LARP6: variants seen among roughly 807,000 people sequenced by gnomAD.
The protein encoded by LARP6 is La ribonucleoprotein 6, translational regulator, also known as la-related protein 6.
In LARP6, 18 loss-of-function variants were observed where a neutral mutation model predicts 32.8. The ratio of observed to expected loss-of-function variants is 0.55; its 90% CI spans 0.38 to 0.81. The LOEUF (loss-of-function observed/expected upper bound fraction) is 0.81, where lower values mean the gene tolerates loss of function less well. Among genes scored for constraint, LARP6 ranks in the 40% least tolerant of loss-of-function variants. The pLI, the probability that LARP6 is intolerant of heterozygous loss-of-function variation, is 0.00. For missense variants in LARP6, 598 were observed against 663.1 expected (o/e 0.90, Z 1.08); for synonymous variants, 289 against 267.2 (o/e 1.08, Z -0.80).
At chr15:70,851,518 G>A (rs1046933664) in intron 1 of LARP6, 2 of 1,470,294 alleles carry the variant, frequency 1.4e-6, no homozygotes, top group African/African-American at 2.8e-5. Context: ...AATACAAAAA[G>A]GAATAAGATA....
chr15:70,844,148 A>T (rs1476326223), intron 1 of LARP6, among the ~76,000 whole-genome samples: 1 of 147,078 alleles, frequency 6.8e-6, no homozygotes, highest in African/African-American at 2.5e-5. Flanking sequence ...GTAGAGACAG[A>T]GTTTCACCAT....
At chr15:70,839,614 GCT>G (rs369007225) in intron 1 of LARP6, among the ~76,000 whole-genome samples, 34 of 151,782 alleles carry the variant, frequency 2.2e-4, no homozygotes, top group Middle Eastern at 3.4e-3. Flanking sequence ...ACAGAGTCTC[GCT>G]CTGTCGCCCA....
intron 1 of LARP6, among the ~76,000 whole-genome samples, chr15:70,837,919 T>C (rs1041427632): frequency 6.6e-6 from 1 of 152,258 alleles, no homozygotes; most frequent in Non-Finnish European, 1.5e-5. Flanking sequence ...TTTTGGAATA[T>C]GTGCATATAC....
At chr15:70,843,229 G>T (rs2032287642) in intron 1 of LARP6, among the ~76,000 whole-genome samples, 1 of 151,998 alleles carries the variant, frequency 6.6e-6, no homozygotes, top group Admixed American at 6.6e-5. Context: ...ATTTTGCAGG[G>T]TCTCCCATCT....
intron 1 of LARP6, among the ~76,000 whole-genome samples, chr15:70,846,664 A>C (rs948451568): frequency 5.1e-4 from 77 of 152,232 alleles, no homozygotes; most frequent in African/African-American, 1.8e-3. Flanking sequence ...TAAAAAAAAA[A>C]CCAACAAAGT....
At chr15:70,836,013 C>T (rs1567020608) in intron 2 of LARP6, among the ~76,000 whole-genome samples, 1 of 152,164 alleles carries the variant, frequency 6.6e-6, no homozygotes, top group East Asian at 1.9e-4. Context: ...CACCCACTTG[C>T]CTGGCAAAAG....
rs557495787 is a variant in LARP6 at position 70,838,702 on chromosome 15, C to A, written c.201-2197G>T. On this transcript the variant is annotated intron_variant, in intron 1 of 2. Coordinates refer to ENST00000299213, the MANE Select transcript of LARP6 (RefSeq NM_018357.4). ...ATTATAACAATTTCAAACCAATAAA[C>A]ATTTAGAGAATACTGATTATCCGCA... 3.3e-5 allele frequency among the ~76,000 whole-genome samples: 5 copies of A among 152,138 alleles called. No individual in the cohort carries two copies. In the East Asian group the frequency reaches 9.7e-4, roughly 29 times the overall value.
At chr15:70,837,350 C>A (rs1183951820) in intron 1 of LARP6, among the ~76,000 whole-genome samples, 1 of 151,782 alleles carries the variant, frequency 6.6e-6, no homozygotes, top group East Asian at 1.9e-4. Context: ...ACCACTGTAC[C>A]CCAGACTGGG....
chr15:70,833,655 T>C (rs2032096219), intron 2 of LARP6, among the ~76,000 whole-genome samples: 1 of 152,276 alleles, frequency 6.6e-6, no homozygotes, highest in East Asian at 1.9e-4. Context: ...CAGTGAGTAC[T>C]AAGTAATCAT....
intron 1 of LARP6, among the ~76,000 whole-genome samples, chr15:70,850,454 T>C (rs2032428514): frequency 6.6e-6 from 1 of 152,174 alleles, no homozygotes. Flanking sequence ...AGCAAAATAT[T>C]AGCAAACTGA....
intron 2 of LARP6, among the ~76,000 whole-genome samples, chr15:70,835,166 C>T (rs1312205563): frequency 2.0e-5 from 3 of 152,204 alleles, no homozygotes; most frequent in Non-Finnish European, 4.4e-5. Flanking sequence ...TTCCATTCCC[C>T]TGTACCTAGA....
intron 1 of LARP6, among the ~76,000 whole-genome samples, chr15:70,839,662 A>G (rs948519521): frequency 2.6e-5 from 4 of 151,982 alleles, no homozygotes; most frequent in Non-Finnish European, 5.9e-5. Flanking sequence ...AGCTCACTGC[A>G]AGCTCTGCCT....
rs985641285 is a variant in LARP6, at chr15:70,847,696, A to G, written c.200+6193T>C. On this transcript the variant is annotated intron_variant, in intron 1 of 2. Transcript: ENST00000299213. ...AGAGAAACAAAAGGATTTGTAGCAT[A>G]AAACATCCAAGGCTACTTTTTTCAT... is the stretch of plus-strand genomic sequence containing the variant. Among the ~76,000 whole-genome samples, 5 of 152,214 alleles carry G rather than the reference A, an allele frequency of 3.3e-5. No individual in the cohort carries two copies. The East Asian group carries it at 9.6e-4, about 29-fold the overall frequency.
chr15:70,839,427 G>A (rs1393998355), intron 1 of LARP6, among the ~76,000 whole-genome samples: 5 of 126,028 alleles, frequency 4.0e-5, no homozygotes, highest in African/African-American at 1.4e-4. Context: ...GTGACAGAGT[G>A]AGACTGTCTC....
At chr15:70,835,590 C>G (rs974267156) in intron 2 of LARP6, among the ~76,000 whole-genome samples, 2 of 152,222 alleles carry the variant, frequency 1.3e-5, no homozygotes, top group Admixed American at 1.3e-4. Flanking sequence ...CCACTTGTTA[C>G]GCATCCCGTT....
chr15:70,847,218 C>T (rs889259304), intron 1 of LARP6, among the ~76,000 whole-genome samples: 3 of 152,136 alleles, frequency 2.0e-5, no homozygotes, highest in African/African-American at 7.2e-5. Flanking sequence ...AAAAGTTTTA[C>T]ACTTAAGGTT....
chr15:70,844,582 G>A (rs1018854339), intron 1 of LARP6, among the ~76,000 whole-genome samples: 1 of 152,158 alleles, frequency 6.6e-6, no homozygotes, highest in African/African-American at 2.4e-5. Context: ...CATTTGCTAA[G>A]ATTACATTTC....
At chr15:70,848,663 C>T (rs757353810) in intron 1 of LARP6, among the ~76,000 whole-genome samples, 2 of 151,808 alleles carry the variant, frequency 1.3e-5, no homozygotes, top group East Asian at 1.9e-4. Flanking sequence ...ACCTGGGAGG[C>T]GGAGGTTGCA....
chr15:70,842,727 A>C (rs1008562991), intron 1 of LARP6, among the ~76,000 whole-genome samples: 1 of 152,140 alleles, frequency 6.6e-6, no homozygotes, highest in African/African-American at 2.4e-5. Context: ...GTGACTCTGC[A>C]TCAATTATTT....
Sources: gnomAD v4.1 joint callset for allele counts (sites outside exome capture counted in the v4.1 genomes callset) on GRCh38, gnomAD v4.1.1 for gene constraint, MANE v1.5 for transcripts, NCBI Gene and HGNC (gene_info 2026-07-23, HGNC 2026-07-21) for gene names.